NNT: variants seen among roughly 807,000 people sequenced by gnomAD.
NNT encodes the protein NAD(P) transhydrogenase, mitochondrial.
NNT carries 50 observed loss-of-function variants against 104.8 expected under a neutral mutation model. The observed-to-expected ratio is 0.48, with a 90% CI of 0.38 to 0.60. The LOEUF is 0.60. Ranked by LOEUF, NNT falls within the 20% of genes least tolerant of loss-of-function variation. The pLI, the probability that NNT is intolerant of heterozygous loss-of-function variation, is 0.00. For missense variants in NNT, 1,131 were observed against 1,330.7 expected (o/e 0.85, Z 2.33); for synonymous variants, 461 against 490.4 (o/e 0.94, Z 0.79).
At chr5:43,660,809 G>A (rs1740315751) in intron 17 of NNT, among the ~76,000 whole-genome samples, 1 of 152,178 alleles carries the variant, frequency 6.6e-6, no homozygotes, top group Non-Finnish European at 1.5e-5. Flanking sequence ...CAAGGCGGAA[G>A]TCAGCCCCCA....
In NNT at chr5:43,650,596, T is replaced by G; in HGVS notation, c.1717+9T>G. On this transcript the variant is annotated intron_variant, in intron 12 of 21. Coordinates refer to ENST00000344920, the MANE Select transcript of NNT (RefSeq NM_182977.3). ...CTCTGTCAACATTGCAGGTATGATG[T>G]CAGTGAAAGGTCTCAGTACTATTTT... 1 of 1,587,038 alleles carries G rather than the reference T, an allele frequency of 6.3e-7. No individual in the cohort carries two copies. The highest frequency in any genetic ancestry group is 8.7e-7 in the Non-Finnish European group (1 of 1,155,340).
chr5:43,616,388 G>T (rs573472317), intron 4 of NNT, among the ~76,000 whole-genome samples: 11 of 152,278 alleles, frequency 7.2e-5, no homozygotes, highest in African/African-American at 2.6e-4. Flanking sequence ...TATATGTAAG[G>T]TTGAAGTTAC....
At chr5:43,662,403 C>T (rs1007979986) in intron 17 of NNT, among the ~76,000 whole-genome samples, 4 of 151,870 alleles carry the variant, frequency 2.6e-5, no homozygotes, top group Non-Finnish European at 2.9e-5. Context: ...GATATGTTTT[C>T]TCTAGGTCTT....
At chr5:43,689,392 CTTAA>C (rs1742149135) in intron 19 of NNT, among the ~76,000 whole-genome samples, 1 of 152,110 alleles carries the variant, frequency 6.6e-6, no homozygotes, top group African/African-American at 2.4e-5. Context: ...AGCTTTTTAG[CTTAA>C]TTAAGTCCCA....
intron 7 of NNT, among the ~76,000 whole-genome samples, chr5:43,635,602 G>A (rs1376602942): frequency 6.6e-6 from 1 of 152,172 alleles, no homozygotes; most frequent in Non-Finnish European, 1.5e-5. Flanking sequence ...TTTTCCCAGA[G>A]TTCTGGAGGA....
chr5:43,692,200 T>C (rs1031426661), intron 19 of NNT, among the ~76,000 whole-genome samples: 1 of 152,194 alleles, frequency 6.6e-6, no homozygotes, highest in Non-Finnish European at 1.5e-5. Flanking sequence ...TTAATTTTTT[T>C]TTTCTTTCTC....
chr5:43,674,103 T>C (rs1259684156), intron 17 of NNT, among the ~76,000 whole-genome samples: 4 of 152,230 alleles, frequency 2.6e-5, no homozygotes, highest in African/African-American at 9.6e-5. Context: ...CAGGTTTTAT[T>C]TTGTATGTAA....
intron 7 of NNT, among the ~76,000 whole-genome samples, chr5:43,637,375 A>G (rs1254937286): frequency 6.6e-6 from 1 of 152,178 alleles, no homozygotes; most frequent in African/African-American, 2.4e-5. Context: ...CATTGGTAAC[A>G]TTTTAAAAGC....
At chr5:43,630,082 G>A (rs550944859) in intron 7 of NNT, among the ~76,000 whole-genome samples, 1 of 152,072 alleles carries the variant, frequency 6.6e-6, no homozygotes, top group Non-Finnish European at 1.5e-5. Flanking sequence ...CTGATGTTAT[G>A]TTCTAGAATT....
chr5:43,604,674 G>A (rs1389754857), intron 1 of NNT, among the ~76,000 whole-genome samples: 2 of 152,110 alleles, frequency 1.3e-5, no homozygotes, highest in African/African-American at 2.4e-5. Context: ...CTGAGAGGTA[G>A]GTGCTGTTAT....
At chr5:43,616,587 G>A (rs1749802989) in intron 4 of NNT, among the ~76,000 whole-genome samples, 1 of 152,216 alleles carries the variant, frequency 6.6e-6, no homozygotes, top group Non-Finnish European at 1.5e-5. Context: ...TGATAACTGA[G>A]GGCTATGTCT....
rs1304812004 is a variant in NNT at position 43,666,719 on chromosome 5, G to A, written c.2634+7369G>A. 46 of 1,105,974 alleles carry A rather than the reference G, an allele frequency of 4.2e-5. No homozygotes were observed. The East Asian group carries it at 1.1e-3, about 26-fold the overall frequency. 68.5% of individuals were successfully genotyped at this position (1,105,974 alleles called of 1,614,324 possible). On this transcript the variant is annotated intron_variant, in intron 17 of 21. Transcript: ENST00000344920. ...TGCAGATGGTAGCCCAGGGACGGGGGTGGGGGGTCGCACCAGTCCTTCTGT... is the reference window on the plus strand; with the variant it reads ...TGCAGATGGTAGCCCAGGGACGGGGATGGGGGGTCGCACCAGTCCTTCTGT...
chr5:43,681,214 C>T (rs559959819), intron 19 of NNT, among the ~76,000 whole-genome samples: 180 of 138,742 alleles, frequency 1.3e-3, no homozygotes, highest in African/African-American at 4.8e-3. Context: ...GAGCCAAGAT[C>T]GTGCCATTGC....
intron 7 of NNT, among the ~76,000 whole-genome samples, chr5:43,639,208 C>T (rs1751094241): frequency 6.6e-6 from 1 of 152,062 alleles, no homozygotes; most frequent in Admixed American, 6.6e-5. Flanking sequence ...CTAGCAGCTC[C>T]TTATTTTAAT....
chr5:43,676,029 A>G (rs1350942178), intron 18 of NNT, among the ~76,000 whole-genome samples: 1 of 152,200 alleles, frequency 6.6e-6, no homozygotes, highest in African/African-American at 2.4e-5. Context: ...CTCACTCATT[A>G]GAGTTGCTTA....
At chr5:43,618,450 G>T (rs926506159) in intron 4 of NNT, among the ~76,000 whole-genome samples, 3 of 152,246 alleles carry the variant, frequency 2.0e-5, no homozygotes, top group Admixed American at 6.5e-5. Flanking sequence ...GTTCTCCGAG[G>T]TTGAAATCTT....
At chr5:43,680,625 T>C (rs1385941239) in intron 19 of NNT, among the ~76,000 whole-genome samples, 1 of 152,190 alleles carries the variant, frequency 6.6e-6, no homozygotes, top group Admixed American at 6.5e-5. Flanking sequence ...TCATGGCCCA[T>C]GATTGATTTA....
intron 17 of NNT, among the ~76,000 whole-genome samples, chr5:43,665,977 C>T (rs901559706): frequency 2.6e-5 from 4 of 151,748 alleles, no homozygotes; most frequent in African/African-American, 9.7e-5. Flanking sequence ...GGCAGAGGCG[C>T]TCTTCACATC....
At chr5:43,648,266 A>C (rs1739557758) in intron 10 of NNT, 1 of 1,021,238 alleles carries the variant, frequency 9.8e-7, no homozygotes, top group Non-Finnish European at 1.2e-6. Context: ...CAGTGGTGCC[A>C]CTTCCAAAGT....
Sources: gnomAD v4.1 joint callset for allele counts (sites outside exome capture counted in the v4.1 genomes callset) on GRCh38, gnomAD v4.1.1 for gene constraint, MANE v1.5 for transcripts, NCBI Gene and HGNC (gene_info 2026-07-23, HGNC 2026-07-21) for gene names.